TUSC3: variants seen among roughly 807,000 people sequenced by gnomAD.
TUSC3 encodes dolichyl-diphosphooligosaccharide--protein glycosyltransferase subunit TUSC3.
A neutral mutation model predicts 44.8 loss-of-function variants in TUSC3; 45 were observed. The observed-to-expected ratio is 1.00, with a 90% CI of 0.79 to 1.29. The LOEUF (loss-of-function observed/expected upper bound fraction) is 1.29, where lower values mean the gene tolerates loss of function less well. Among genes scored for constraint, TUSC3 ranks in the 50% most tolerant of loss-of-function variants. The probability of loss-of-function intolerance (pLI) is 0.00; values close to 1 mark genes in which losing one functional copy is unlikely to be tolerated. For synonymous variants in TUSC3, 212 were observed against 152.9 expected (o/e 1.39, Z -2.85); for missense variants, 519 against 437.9 (o/e 1.19, Z -1.65).
intron 1 of TUSC3, among the ~76,000 whole-genome samples, chr8:15,476,176 G>A (rs528835794): frequency 8.5e-5 from 13 of 152,262 alleles, no homozygotes; most frequent in African/African-American, 3.1e-4. Context: ...TGTAAGAGAA[G>A]AATCCGTTTA....
At chr8:15,838,679 T>C in the TUSC3 span, among the ~76,000 whole-genome samples, 1 of 152,174 alleles carries the variant, frequency 6.6e-6, no homozygotes, top group South Asian at 2.1e-4. Flanking sequence ...ATGTGTGGTA[T>C]TATTTCTGAG....
At chr8:15,501,328 AC>A (rs1800962081) in intron 2 of TUSC3, among the ~76,000 whole-genome samples, 1 of 152,052 alleles carries the variant, frequency 6.6e-6, no homozygotes, top group South Asian at 2.1e-4. Flanking sequence ...CCTTCTTGGA[AC>A]CCAAAGTTTG....
intron 3 of TUSC3, 38 bp from the exon 4 acceptor site, chr8:15,659,469 T>C (rs1306445873): frequency 1.2e-6 from 2 of 1,603,002 alleles, no homozygotes; most frequent in Non-Finnish European, 1.7e-6. Context: ...AATGATAAGA[T>C]GATCCTATAT....
At chr8:15,423,090 G>A (rs904989776) in intron 1 of TUSC3, among the ~76,000 whole-genome samples, 2 of 151,848 alleles carry the variant, frequency 1.3e-5, no homozygotes, top group Admixed American at 6.6e-5. Flanking sequence ...AATGTTAAAA[G>A]TTTTTTTTAA....
chr8:15,430,378 T>C (rs1377834061), intron 1 of TUSC3, among the ~76,000 whole-genome samples: 1 of 150,438 alleles, frequency 6.6e-6, no homozygotes, highest in African/African-American at 2.5e-5. Flanking sequence ...AGACAAAAAC[T>C]ACATGATTAT....
chr8:15,573,230 A>ATATATATATATAT lies in TUSC3; in HGVS notation c.138+32662_138+32663insTATATATATATAT, dbSNP rs1491232177. Among the ~76,000 whole-genome samples the ATATATATATATAT allele has an allele frequency of 6.3e-4, 67 of 106,026 alleles. 1 individual carries two copies. Among genetic ancestry groups the ATATATATATATAT allele is most frequent in the African/African-American group, 2.3e-3 (59 of 25,756 alleles). 69.6% of individuals were successfully genotyped at this position (106,026 alleles called of 152,430 possible). A position where few individuals can be genotyped will look rare whatever the true frequency, so the allele number is the denominator to read the frequency against. On this transcript the variant is annotated intron_variant, in intron 1 of 10. Coordinates refer to ENST00000503731, the MANE Select transcript of TUSC3 (RefSeq NM_006765.4). ...TATATATATATATATATATATATATAAAAGTTTTTTTTTTTTTGGGCATAC... is the reference window on the plus strand; with the variant it reads ...TATATATATATATATATATATATATATATATATATATATAAAGTTTTTTTTTTTTTGGGCATAC...
intron 6 of TUSC3, among the ~76,000 whole-genome samples, chr8:15,710,525 T>C (rs935965818): frequency 4.6e-5 from 7 of 151,652 alleles, no homozygotes; most frequent in African/African-American, 1.7e-4. Context: ...CAAATTCCTA[T>C]GGCAGGAAAA....
intron 2 of TUSC3, among the ~76,000 whole-genome samples, chr8:15,636,605 A>G (rs1806088632): frequency 6.6e-6 from 1 of 152,144 alleles, no homozygotes; most frequent in Non-Finnish European, 1.5e-5. Context: ...AGTCATGGAG[A>G]CTGTAGTTGG....
rs778908977 is a variant in TUSC3 at position 15,766,585 on chromosome 8, T to G, written c.*2429T>G. On this transcript the variant is annotated 3_prime_UTR_variant, in exon 11 of 11. Transcript: ENST00000503731. ...TTTGTAATAACATCTGATTAATAACTTGTTGCATTTTGCTTAACATACTGT... is the reference window on the plus strand; with the variant it reads ...TTTGTAATAACATCTGATTAATAACGTGTTGCATTTTGCTTAACATACTGT... The G allele has an allele frequency of 6.6e-6, 1 of 152,160 alleles. No homozygotes were observed. Among genetic ancestry groups the G allele is most frequent in the Non-Finnish European group, 1.5e-5 (1 of 68,006 alleles). The allele number at this position is 152,160 out of a possible 1,614,324, so 9.4% of individuals were successfully genotyped here.
At chr8:15,647,684 T>C (rs1022937289) in intron 2 of TUSC3, among the ~76,000 whole-genome samples, 3 of 152,204 alleles carry the variant, frequency 2.0e-5, no homozygotes, top group Non-Finnish European at 4.4e-5. Flanking sequence ...CACTACCTTT[T>C]CTATCAGTTA....
At chr8:15,481,748 T>G (rs1156811941) in intron 1 of TUSC3, among the ~76,000 whole-genome samples, 1 of 152,034 alleles carries the variant, frequency 6.6e-6, no homozygotes, top group Non-Finnish European at 1.5e-5. Context: ...TAAAAAAAAA[T>G]GCTAACAATT....
At chr8:15,548,274 G>A (rs1801942660) in intron 1 of TUSC3, among the ~76,000 whole-genome samples, 2 of 151,822 alleles carry the variant, frequency 1.3e-5, no homozygotes, top group Non-Finnish European at 2.9e-5. Flanking sequence ...AGATTGGTTT[G>A]GTTTAAGTAT....
chr8:15,437,840 C>T (rs1428854970), intron 1 of TUSC3, among the ~76,000 whole-genome samples: 1 of 152,166 alleles, frequency 6.6e-6, no homozygotes, highest in Admixed American at 6.5e-5. Context: ...CACTGAGATA[C>T]TCATCTATTA....
the TUSC3 span, among the ~76,000 whole-genome samples, chr8:15,784,246 G>T: frequency 3.3e-5 from 5 of 152,160 alleles, no homozygotes; most frequent in East Asian, 9.6e-4. Flanking sequence ...AGTATCTGCT[G>T]AGAATGTACA....
intron 1 of TUSC3, among the ~76,000 whole-genome samples, chr8:15,439,680 C>G (rs1055596836): frequency 6.6e-6 from 1 of 152,190 alleles, no homozygotes; most frequent in African/African-American, 2.4e-5. Flanking sequence ...GACTAGATCT[C>G]AAGTGCTTTA....
Position 15,659,660 on chromosome 8 carries a change from T to G in TUSC3, c.567+13T>G. ...AACGGATGTTCATGTATGTTTTTAT[T>G]CCTCACAGTTTTAATAATAGGCTGG... On this transcript the variant is annotated intron_variant, in intron 4 of 10. Transcript: ENST00000503731. 2 of 1,611,618 alleles carry G rather than the reference T, an allele frequency of 1.2e-6. No homozygotes were observed. Among genetic ancestry groups the G allele is most frequent in the South Asian group, 2.2e-5 (2 of 91,078 alleles).
At chr8:15,584,928 TGTA>T (rs1803533871) in intron 1 of TUSC3, among the ~76,000 whole-genome samples, 1 of 152,310 alleles carries the variant, frequency 6.6e-6, no homozygotes, top group African/African-American at 2.4e-5. Context: ...TAGTTTATAT[TGTA>T]GGAGACATAA....
At chr8:15,578,986 A>T (rs1260155336) in intron 1 of TUSC3, among the ~76,000 whole-genome samples, 1 of 152,004 alleles carries the variant, frequency 6.6e-6, no homozygotes, top group African/African-American at 2.4e-5. Context: ...TATTGCCACA[A>T]TTTCAGCTCC....
In TUSC3 at chr8:15,454,517, C is replaced by T. The variant is rs146372208; in HGVS notation, n.92-28869C>T. Among the ~76,000 whole-genome samples the T allele has an allele frequency of 7.2e-5, 11 of 152,306 alleles. No homozygotes were observed. The East Asian group carries it at 1.7e-3, about 24-fold the overall frequency. On this transcript the variant is annotated intron_variant and non_coding_transcript_variant, in intron 1 of 5. Coordinates refer to the TUSC3 transcript ENST00000503191. ...TATTTTGCTTTGCCAGGGTTTCTGT[C>T]ACGTATTAATGTTCCAACTAGTTTC...
Sources: gnomAD v4.1 joint callset for allele counts (sites outside exome capture counted in the v4.1 genomes callset) on GRCh38, gnomAD v4.1.1 for gene constraint, MANE v1.5 for transcripts, NCBI Gene and HGNC (gene_info 2026-07-23, HGNC 2026-07-21) for gene names.